The following FAM110B variants were observed in gnomAD, a reference collection of about 807,000 sequenced individuals.
The protein encoded by FAM110B is family with sequence similarity 110 member B, also known as protein FAM110B.
A neutral mutation model predicts 20.4 loss-of-function variants in FAM110B; 6 were observed. The observed-to-expected ratio is 0.29, with a 90% CI of 0.16 to 0.58. The LOEUF (loss-of-function observed/expected upper bound fraction) is 0.58. Among genes scored for constraint, FAM110B ranks in the 20% least tolerant of loss-of-function variants. The pLI is 0.90. For synonymous variants in FAM110B, 226 were observed against 214.1 expected, an observed-to-expected ratio of 1.06 and a Z score of -0.49; for missense variants, 434 against 498.2, an observed-to-expected ratio of 0.87 and a Z score of 1.23.
chr8:58,114,728 T>G (rs374342840), intron 3 of FAM110B, among the ~76,000 whole-genome samples: 4 of 152,284 alleles, frequency 2.6e-5, no homozygotes, highest in East Asian at 3.9e-4. Context: ...TCTAAATGGG[T>G]CCCATGTGGA....
chr8:58,034,632 A>G (rs1805037183), intron 2 of FAM110B, among the ~76,000 whole-genome samples: 1 of 152,210 alleles, frequency 6.6e-6, no homozygotes, highest in African/African-American at 2.4e-5. Context: ...TAGTGCCCAG[A>G]TCATAGGATT....
At chr8:58,095,917 A>G (rs376603818) in intron 3 of FAM110B, among the ~76,000 whole-genome samples, 2,921 of 152,112 alleles carry the variant, frequency 0.019, 51 homozygotes, top group South Asian at 0.094. Context: ...ATGAATCTGG[A>G]TGCTCCTGTA....
chr8:58,145,885 G>A lies in FAM110B; in HGVS notation c.-324-22G>A, dbSNP rs528091369. ...ATGTCACCCGCCCCTCCTAACCCGC[G>A]GTTGGTTGTTTTGTGTTTCAGCTCT... On this transcript the variant is annotated intron_variant, in intron 3 of 3. Coordinates refer to ENST00000519262, the MANE Select transcript of FAM110B (RefSeq NM_001377989.1). The A allele has an allele frequency of 6.1e-4, 117 of 191,912 alleles. 2 individuals carry two copies. The South Asian group carries it at 0.011, about 18-fold the overall frequency. The allele number at this position is 191,912 out of a possible 1,614,324, so 11.9% of individuals were successfully genotyped here. A position where few individuals can be genotyped will look rare whatever the true frequency, so the allele number is the denominator to read the frequency against.
Position 58,040,935 on chromosome 8 carries a change from CTTT to C in FAM110B, c.-414+9253_-414+9255del, listed in dbSNP as rs60228265. On this transcript the variant is annotated intron_variant, in intron 2 of 3. Coordinates refer to ENST00000519262, the MANE Select transcript of FAM110B (RefSeq NM_001377989.1). Reference sequence around the variant, plus strand: ...AAGCAGAGGTTAGAAATGGGAAAATCTTTTTTTTTTTTTTTTTTTTTTTGAGAC... The same window carrying C: ...AAGCAGAGGTTAGAAATGGGAAAATCTTTTTTTTTTTTTTTTTTTTGAGAC... 5.1e-3 allele frequency among the ~76,000 whole-genome samples: 494 copies of C among 97,336 alleles called. 3 individuals carry two copies. The highest frequency in any genetic ancestry group is 0.017 in the African/African-American group (429 of 25,806). The allele number at this position is 97,336 out of a possible 152,430, so 63.9% of individuals were successfully genotyped here.
intron 3 of FAM110B, among the ~76,000 whole-genome samples, chr8:58,085,037 G>A (rs1181966059): frequency 6.6e-6 from 1 of 152,116 alleles, no homozygotes; most frequent in African/African-American, 2.4e-5. Flanking sequence ...AGGGATTGAC[G>A]CATCACTCTC....
intron 1 of FAM110B, among the ~76,000 whole-genome samples, chr8:58,017,550 G>A: frequency 6.6e-6 from 1 of 152,196 alleles, no homozygotes. Flanking sequence ...GAGAGTGGAG[G>A]AATTGTGGAA....
intron 2 of FAM110B, among the ~76,000 whole-genome samples, chr8:58,043,863 T>C (rs543095855): frequency 1.3e-5 from 2 of 152,276 alleles, no homozygotes; most frequent in South Asian, 4.1e-4. Context: ...AATACTTTGA[T>C]TAGGGTCACA....
intron 3 of FAM110B, among the ~76,000 whole-genome samples, chr8:58,145,177 T>A (rs1320222793): frequency 6.6e-6 from 1 of 152,188 alleles, no homozygotes; most frequent in Non-Finnish European, 1.5e-5. Context: ...AATTTGGAAG[T>A]ATTTCTATGG....
At chr8:58,049,790 A>G (rs1805402526) in intron 2 of FAM110B, among the ~76,000 whole-genome samples, 1 of 152,202 alleles carries the variant, frequency 6.6e-6, no homozygotes, top group Admixed American at 6.5e-5. Context: ...TTAGTAAGTT[A>G]ATGCTCACTC....
intron 1 of FAM110B, among the ~76,000 whole-genome samples, chr8:58,016,181 T>C (rs1804633129): frequency 6.6e-6 from 1 of 152,204 alleles, no homozygotes; most frequent in Non-Finnish European, 1.5e-5. Context: ...TTTTTAAATC[T>C]ATGAAATAAA....
chr8:58,039,617 A>C (rs534174870), intron 2 of FAM110B, among the ~76,000 whole-genome samples: 1 of 152,316 alleles, frequency 6.6e-6, no homozygotes, highest in South Asian at 2.1e-4. Flanking sequence ...GCTCCTATCT[A>C]TGGGACAGTG....
chr8:58,148,783 C>A lies in FAM110B; in HGVS notation c.*1440C>A, dbSNP rs1429982359. On this transcript the variant is annotated 3_prime_UTR_variant, in exon 4 of 4. Transcript: ENST00000519262. ...CGCTAATAAATTGCTGTGGTGCAGG[C>A]ACTAATGGTGGTGGTTTCTCTTTGT... 6.0e-6 allele frequency: 1 copy of A among 167,104 alleles called. No homozygotes were observed. Among genetic ancestry groups the A allele is most frequent in the Non-Finnish European group, 1.5e-5 (1 of 68,130 alleles). The allele number at this position is 167,104 out of a possible 1,614,324, so 10.4% of individuals were successfully genotyped here.
chr8:58,025,246 G>A (rs764024664), intron 1 of FAM110B, among the ~76,000 whole-genome samples: 2 of 152,190 alleles, frequency 1.3e-5, no homozygotes, highest in East Asian at 1.9e-4. Flanking sequence ...CAAAGCTCAG[G>A]GAGGTCAAGG....
intron 3 of FAM110B, among the ~76,000 whole-genome samples, chr8:58,120,545 G>T (rs78828350): frequency 1.3e-5 from 2 of 152,202 alleles, no homozygotes; most frequent in Non-Finnish European, 2.9e-5. Context: ...ATTTCAACAG[G>T]TGAACATCTT....
intron 3 of FAM110B, chr8:58,099,100 A>T (rs1806713032): frequency 6.6e-6 from 1 of 152,234 alleles, no homozygotes; most frequent in Non-Finnish European, 1.5e-5. Context: ...CAGTGTTTCT[A>T]TTCCTGCTGA....
chr8:58,062,728 G>A (rs953953429), intron 2 of FAM110B, among the ~76,000 whole-genome samples: 1 of 152,122 alleles, frequency 6.6e-6, no homozygotes, highest in South Asian at 2.1e-4. Context: ...TGTCAATCTT[G>A]AATCATGCTA....
At chr8:58,018,506 A>C (rs1193436526) in intron 1 of FAM110B, among the ~76,000 whole-genome samples, 1 of 151,940 alleles carries the variant, frequency 6.6e-6, no homozygotes, top group Non-Finnish European at 1.5e-5. Context: ...TTATCCTTTA[A>C]ATGTGTCTCT....
intron 3 of FAM110B, among the ~76,000 whole-genome samples, chr8:58,096,534 C>G (rs571801366): frequency 6.6e-6 from 1 of 152,062 alleles, no homozygotes; most frequent in African/African-American, 2.4e-5. Flanking sequence ...GCATTTAGCC[C>G]GTTTACATTT....
At chr8:58,027,969 G>T (rs1672236666) in intron 1 of FAM110B, among the ~76,000 whole-genome samples, 1 of 152,216 alleles carries the variant, frequency 6.6e-6, no homozygotes, top group Middle Eastern at 3.2e-3. Flanking sequence ...ATACTTAGTA[G>T]TAGCATTGCT....
Sources: gnomAD v4.1 joint callset for allele counts (sites outside exome capture counted in the v4.1 genomes callset) on GRCh38, gnomAD v4.1.1 for gene constraint, MANE v1.5 for transcripts, NCBI Gene and HGNC (gene_info 2026-07-23, HGNC 2026-07-21) for gene names.